The following CSMD1 variants were observed in gnomAD, a reference collection of about 807,000 sequenced individuals.
The protein encoded by CSMD1 is CUB and sushi domain-containing protein 1.
A neutral mutation model predicts 417.5 loss-of-function variants in CSMD1; 213 were observed. That is an observed-to-expected ratio of 0.51 (90% CI 0.46 to 0.57). CSMD1 has a LOEUF of 0.57. Among genes scored for constraint, CSMD1 ranks in the 20% least tolerant of loss-of-function variants. CSMD1 has a pLI of 0.00. For synonymous variants in CSMD1, 2,862 were observed against 1,736.8 expected (o/e 1.65, Z -16.11); for missense variants, 6,923 against 4,529.7 (o/e 1.53, Z -15.17).
chr8:4,042,641 T>C (rs992730755), intron 3 of CSMD1, among the ~76,000 whole-genome samples: 4 of 151,720 alleles, frequency 2.6e-5, no homozygotes, highest in Admixed American at 2.6e-4. Context: ...TATTTTATTT[T>C]AAAAATCTGT....
chr8:3,817,980 T>C (rs1445839837), intron 5 of CSMD1, among the ~76,000 whole-genome samples: 3 of 152,204 alleles, frequency 2.0e-5, no homozygotes, highest in Non-Finnish European at 2.9e-5. Context: ...TACTTACTTG[T>C]ATTTTAAGAA....
At chr8:3,816,726 A>G (rs190443687) in intron 5 of CSMD1, among the ~76,000 whole-genome samples, 17 of 152,318 alleles carry the variant, frequency 1.1e-4, no homozygotes, top group African/African-American at 4.1e-4. Context: ...AATGTATTTA[A>G]TTATGACCAG....
At chr8:3,287,974 C>T (rs1386161730) in intron 25 of CSMD1, among the ~76,000 whole-genome samples, 1 of 146,648 alleles carries the variant, frequency 6.8e-6, no homozygotes, top group African/African-American at 2.7e-5. Context: ...TGAGATACGT[C>T]CCATCAATAC....
intron 1 of CSMD1, among the ~76,000 whole-genome samples, chr8:4,810,542 C>A (rs762531289): frequency 6.6e-6 from 1 of 151,874 alleles, no homozygotes; most frequent in African/African-American, 2.4e-5. Context: ...TGTGTGTGTG[C>A]GCACGCGCGT....
At chr8:3,310,372 C>T (rs1171113373) in intron 23 of CSMD1, among the ~76,000 whole-genome samples, 1 of 152,170 alleles carries the variant, frequency 6.6e-6, no homozygotes, top group African/African-American at 2.4e-5. Context: ...GTGACAGCAT[C>T]TGAACAAGTC....
chr8:4,877,719 G>C (rs911786787), intron 1 of CSMD1, among the ~76,000 whole-genome samples: 2 of 151,954 alleles, frequency 1.3e-5, no homozygotes, highest in Admixed American at 6.6e-5. Context: ...TATCTTTAAA[G>C]AGGAAGACAG....
intron 26 of CSMD1, among the ~76,000 whole-genome samples, chr8:3,238,849 A>G (rs955620662): frequency 6.6e-6 from 1 of 152,166 alleles, no homozygotes. Context: ...GCACCAAGAG[A>G]TATCAGCTGT....
chr8:4,151,686 C>G (rs1033743143), intron 3 of CSMD1, among the ~76,000 whole-genome samples: 3 of 152,074 alleles, frequency 2.0e-5, no homozygotes, highest in South Asian at 4.2e-4. Flanking sequence ...TGAAAAAAAT[C>G]CAACTGATTT....
chr8:3,953,695 G>C (rs1222603755), intron 5 of CSMD1, among the ~76,000 whole-genome samples: 1 of 152,108 alleles, frequency 6.6e-6, no homozygotes, highest in Non-Finnish European at 1.5e-5. Flanking sequence ...GGAGGGGTGA[G>C]GGGTGGATAG....
chr8:4,231,832 C>T (rs942134052), intron 3 of CSMD1, among the ~76,000 whole-genome samples: 10 of 152,302 alleles, frequency 6.6e-5, no homozygotes, highest in African/African-American at 2.2e-4. Flanking sequence ...GAAAAGCACC[C>T]AGAATATCTG....
intron 5 of CSMD1, among the ~76,000 whole-genome samples, chr8:3,834,838 C>A (rs1028808716): frequency 1.3e-5 from 2 of 151,726 alleles, no homozygotes; most frequent in African/African-American, 2.4e-5. Context: ...GGCTAATATC[C>A]AGAATCTACA....
chr8:3,337,853 T>G (rs1807372771), intron 23 of CSMD1, among the ~76,000 whole-genome samples: 1 of 152,168 alleles, frequency 6.6e-6, no homozygotes, highest in African/African-American at 2.4e-5. Context: ...AAACCGTAAG[T>G]GTTTATGATG....
chr8:3,088,843 T>TAAAAA (rs5888943), intron 48 of CSMD1, among the ~76,000 whole-genome samples: 2 of 114,064 alleles, frequency 1.8e-5, no homozygotes, highest in African/African-American at 3.4e-5. Flanking sequence ...ACTGTGCTAG[T>TAAAAA]AAAAAAAAAA....
intron 2 of CSMD1, among the ~76,000 whole-genome samples, chr8:4,470,727 T>C (rs958588626): frequency 1.3e-5 from 2 of 152,106 alleles, no homozygotes; most frequent in Admixed American, 1.3e-4. Context: ...AAAGGTAAAA[T>C]GAACACAGAA....
chr8:3,704,271 G>A (rs1321370752), intron 7 of CSMD1, among the ~76,000 whole-genome samples: 2 of 152,098 alleles, frequency 1.3e-5, no homozygotes, highest in Non-Finnish European at 2.9e-5. Flanking sequence ...AGATGAGCAA[G>A]CAGGATTCAG....
At position 4,138,205 on chromosome 8, in the gene CSMD1, ATT is replaced by A. The variant is rs562419797; in HGVS notation, c.416-106108_416-106107del. On this transcript the variant is annotated intron_variant, in intron 3 of 69. Transcript: ENST00000635120. ...GCTGGGATTACAGGCGCAGCCTTAC[ATT>A]TTTTTTTTTTTTTTTTTTCAGGTCT... is the stretch of plus-strand genomic sequence containing the variant. Among the ~76,000 whole-genome samples the A allele has an allele frequency of 3.6e-3, 247 of 69,440 alleles. 6 individuals are homozygous for A. Among genetic ancestry groups the A allele is most frequent in the African/African-American group, 8.6e-3 (217 of 25,140 alleles). 45.6% of individuals were successfully genotyped at this position (69,440 alleles called of 152,430 possible).
chr8:4,487,821 A>G (rs1801493640), intron 2 of CSMD1, among the ~76,000 whole-genome samples: 1 of 94,368 alleles, frequency 1.1e-5, no homozygotes, highest in Non-Finnish European at 2.7e-5. Flanking sequence ...CAAGAGAGAG[A>G]TAACAAGGGC....
intron 3 of CSMD1, among the ~76,000 whole-genome samples, chr8:4,151,844 T>C (rs964094700): frequency 5.9e-5 from 9 of 152,176 alleles, no homozygotes; most frequent in African/African-American, 1.9e-4. Context: ...ATGAATCAAT[T>C]ATATTTCCAT....
intron 2 of CSMD1, among the ~76,000 whole-genome samples, chr8:4,435,064 T>C (rs947664380): frequency 6.6e-6 from 1 of 152,164 alleles, no homozygotes; most frequent in African/African-American, 2.4e-5. Flanking sequence ...TTGTGTGTAA[T>C]ATATCGGTGT....
Sources: gnomAD v4.1 joint callset for allele counts (sites outside exome capture counted in the v4.1 genomes callset) on GRCh38, gnomAD v4.1.1 for gene constraint, MANE v1.5 for transcripts, NCBI Gene and HGNC (gene_info 2026-07-23, HGNC 2026-07-21) for gene names.